NELL1: variants seen among roughly 807,000 people sequenced by gnomAD.
NELL1 encodes the protein neural EGFL like 1.
A neutral mutation model predicts 107.4 loss-of-function variants in NELL1; 76 were observed. The observed-to-expected ratio is 0.71, with a 90% confidence interval of 0.59 to 0.86. The LOEUF (loss-of-function observed/expected upper bound fraction) is 0.86, where lower values mean the gene tolerates loss of function less well. Among genes scored for constraint, NELL1 ranks in the 40% least tolerant of loss-of-function variants. The pLI, the probability that NELL1 is intolerant of heterozygous loss-of-function variation, is 0.00. For missense variants in NELL1, 1,024 were observed against 1,005.5 expected (o/e 1.02, Z -0.25); for synonymous variants, 353 against 341.2 (o/e 1.03, Z -0.38).
intron 13 of NELL1, among the ~76,000 whole-genome samples, chr11:21,192,176 A>G (rs887783761): frequency 5.3e-5 from 8 of 151,864 alleles, no homozygotes; most frequent in African/African-American, 1.9e-4. Flanking sequence ...GCCTTTGCTT[A>G]TAATGTCTGA....
At chr11:21,101,323 G>C (rs1209592680) in intron 12 of NELL1, among the ~76,000 whole-genome samples, 1 of 152,170 alleles carries the variant, frequency 6.6e-6, no homozygotes, top group Non-Finnish European at 1.5e-5. Context: ...CTTTATAGCA[G>C]CATGATTTAT....
At chr11:21,130,003 A>G (rs1855578340) in intron 13 of NELL1, among the ~76,000 whole-genome samples, 1 of 152,236 alleles carries the variant, frequency 6.6e-6, no homozygotes, top group African/African-American at 2.4e-5. Context: ...TTAGTAAGTT[A>G]TGCAAATGCA....
intron 12 of NELL1, among the ~76,000 whole-genome samples, chr11:20,964,333 G>A (rs114285698): frequency 0.01 from 1,544 of 152,144 alleles, 23 homozygotes; most frequent in African/African-American, 0.035. Flanking sequence ...TTCTTTCTGT[G>A]ATAAAAAGTT....
At chr11:20,928,900 CCT>C (rs935938520) in intron 9 of NELL1, among the ~76,000 whole-genome samples, 1 of 152,156 alleles carries the variant, frequency 6.6e-6, no homozygotes, top group Non-Finnish European at 1.5e-5. Flanking sequence ...GCTAGATTCT[CCT>C]CTTATTAAGA....
intron 15 of NELL1, among the ~76,000 whole-genome samples, chr11:21,507,367 A>G (rs1218397235): frequency 6.6e-6 from 1 of 152,238 alleles, no homozygotes; most frequent in Non-Finnish European, 1.5e-5. Flanking sequence ...ACAAAAGCTT[A>G]TTCTTTTACC....
chr11:21,396,090 A>G (rs1290809870), intron 15 of NELL1, among the ~76,000 whole-genome samples: 2 of 151,512 alleles, frequency 1.3e-5, no homozygotes, highest in Non-Finnish European at 3.0e-5. Context: ...CATCAAATAA[A>G]TGAATTTTTG....
intron 5 of NELL1, among the ~76,000 whole-genome samples, chr11:20,897,256 C>T (rs1849761835): frequency 6.6e-6 from 1 of 152,060 alleles, no homozygotes; most frequent in Non-Finnish European, 1.5e-5. Flanking sequence ...AGAAATAATG[C>T]CACATATCTA....
At chr11:21,233,035 T>C (rs1436510160) in intron 14 of NELL1, among the ~76,000 whole-genome samples, 1 of 152,190 alleles carries the variant, frequency 6.6e-6, no homozygotes, top group Non-Finnish European at 1.5e-5. Context: ...CTAAATCTGG[T>C]TAGAAGTAAA....
chr11:21,054,266 ATT>A (rs1442855581), intron 12 of NELL1, among the ~76,000 whole-genome samples: 1 of 152,046 alleles, frequency 6.6e-6, no homozygotes, highest in Non-Finnish European at 1.5e-5. Flanking sequence ...ATTTGCCAAC[ATT>A]CTTTTTCAAA....
intron 10 of NELL1, among the ~76,000 whole-genome samples, chr11:20,945,421 C>CAA (rs966012881): frequency 1.3e-5 from 2 of 152,198 alleles, no homozygotes; most frequent in African/African-American, 4.8e-5. Flanking sequence ...CGGCTCTCTG[C>CAA]ATGGGCAAAA....
intron 12 of NELL1, among the ~76,000 whole-genome samples, chr11:21,068,214 C>A (rs1853928011): frequency 6.6e-6 from 1 of 151,710 alleles, no homozygotes; most frequent in African/African-American, 2.4e-5. Context: ...CAAGAAGGGG[C>A]CCTATTGATA....
intron 13 of NELL1, among the ~76,000 whole-genome samples, chr11:21,223,696 A>C (rs2133875970): frequency 6.6e-6 from 1 of 152,162 alleles, no homozygotes; most frequent in East Asian, 1.9e-4. Flanking sequence ...CTGTAATAGT[A>C]ATGTGTGATC....
chr11:21,266,439 A>G (rs938018712), intron 14 of NELL1, among the ~76,000 whole-genome samples: 4 of 152,032 alleles, frequency 2.6e-5, no homozygotes, highest in Non-Finnish European at 4.4e-5. Flanking sequence ...TCTGCAGCTC[A>G]TGCTTTTAAC....
intron 4 of NELL1, among the ~76,000 whole-genome samples, chr11:20,883,873 A>G (rs4405305): frequency 2.5e-4 from 38 of 152,254 alleles, no homozygotes; most frequent in Non-Finnish European, 3.7e-4. Flanking sequence ...AGGAGAAAAA[A>G]TTTTAAAGGA....
chr11:21,527,055 T>C (rs1855873563), intron 15 of NELL1, among the ~76,000 whole-genome samples: 2 of 152,206 alleles, frequency 1.3e-5, no homozygotes, highest in South Asian at 2.1e-4. Flanking sequence ...CAAACTTTTA[T>C]GCTCTGCTTC....
At position 21,513,473 on chromosome 11, in the gene NELL1, A is replaced by G. The variant is rs147960319; in HGVS notation, c.1646-20901A>G. On this transcript the variant is annotated intron_variant, in intron 15 of 19. Transcript: ENST00000357134. Reference sequence around the variant, plus strand: ...CAGACTATAATAACTATTATTTGTGATTCTATTAACGGAAATATATCTTTT... The same window carrying G: ...CAGACTATAATAACTATTATTTGTGGTTCTATTAACGGAAATATATCTTTT... Among the ~76,000 whole-genome samples the G allele has an allele frequency of 8.1e-3, 1,237 of 152,270 alleles. 22 individuals carry two copies. Among genetic ancestry groups the G allele is most frequent in the African/African-American group, 0.028 (1,161 of 41,536 alleles).
At chr11:21,524,531 AAAC>A (rs1178928031) in intron 15 of NELL1, among the ~76,000 whole-genome samples, 1 of 152,182 alleles carries the variant, frequency 6.6e-6, no homozygotes, top group African/African-American at 2.4e-5. Flanking sequence ...TTTAATTTAA[AAAC>A]AATCACTTGC....
chr11:20,813,982 AATTTATTT>A lies in NELL1; in HGVS notation c.335+30169_335+30176del, dbSNP rs530594768. On this transcript the variant is annotated intron_variant, in intron 3 of 19. Transcript: ENST00000357134. Reference sequence around the variant, plus strand: ...TTATTTATTTTGTTATTTATAAATAAATTTATTTATTTATTTATTTATTTTTTTGTAGA... The same window carrying A: ...TTATTTATTTTGTTATTTATAAATAAATTTATTTATTTATTTTTTTGTAGA... Among the ~76,000 whole-genome samples the A allele has an allele frequency of 7.4e-3, 1,119 of 151,178 alleles. 15 individuals are homozygous for A. Among genetic ancestry groups the A allele is most frequent in the African/African-American group, 0.026 (1,070 of 41,314 alleles).
In NELL1 at chr11:21,202,906, T is replaced by C. The variant is rs534548080; in HGVS notation, c.1427-26426T>C. Among the ~76,000 whole-genome samples, 175 of 152,106 alleles carry C rather than the reference T, an allele frequency of 1.2e-3. 1 individual carries two copies. The highest frequency in any genetic ancestry group is 3.6e-3 in the African/African-American group (148 of 41,354). The stretch of plus-strand genomic sequence containing the variant: ...TACCCAGTAGTCATTCGGTAGCAGG[T>C]TGTTCAGTCTCCATGTAGTCGTGCA... On this transcript the variant is annotated intron_variant, in intron 13 of 19. Transcript: ENST00000357134.
Sources: allele counts gnomAD v4.1 joint callset (sites outside exome capture counted in the v4.1 genomes callset), GRCh38; gene constraint gnomAD v4.1.1; transcripts MANE v1.5; gene names NCBI Gene and HGNC (gene_info 2026-07-23, HGNC 2026-07-21).